The following GXYLT1 variants were observed in gnomAD, a reference collection of about 807,000 sequenced individuals.
GXYLT1 encodes the protein glycosyltransferase 8 domain containing 3.
GXYLT1 carries 29 observed loss-of-function variants against 54.0 expected under a neutral mutation model. The ratio of observed to expected loss-of-function variants is 0.54; its 90% CI spans 0.40 to 0.73. GXYLT1 has a LOEUF of 0.73. GXYLT1 is among the 30% of genes least tolerant of loss of function. GXYLT1 has a pLI of 0.00. For synonymous variants in GXYLT1, 176 were observed against 204.1 expected, an observed-to-expected ratio of 0.86 and a Z score of 1.17; for missense variants, 490 against 553.4, an observed-to-expected ratio of 0.89 and a Z score of 1.15.
chr12:42,138,237 A>AGTCTGGGTGACAGAGACTGC (rs1310378761), intron 1 of GXYLT1, among the ~76,000 whole-genome samples: 2 of 152,274 alleles, frequency 1.3e-5, no homozygotes, highest in East Asian at 1.9e-4. Context: ...ACTGCGCTCC[A>AGTCTGGGTGACAGAGACTGC]GTCTGGGTGA....
At chr12:42,099,040 G>A (rs111663981) in intron 5 of GXYLT1, among the ~76,000 whole-genome samples, 2 of 152,086 alleles carry the variant, frequency 1.3e-5, no homozygotes, top group African/African-American at 4.8e-5. Context: ...CACCATCCCA[G>A]AGAGAGGCAA....
chr12:42,132,938 G>C lies in GXYLT1; in HGVS notation c.222-3087C>G, dbSNP rs188157870. The stretch of plus-strand genomic sequence containing the variant: ...CTACACTTCTGCTAGTACCAAACTA[G>C]GTGCCAAGTATGGTGGATTAAGGAT... On this transcript the variant is annotated intron_variant, in intron 1 of 7. Transcript: ENST00000398675. Among the ~76,000 whole-genome samples, 877 of 152,148 alleles carry C rather than the reference G, an allele frequency of 5.8e-3. 7 individuals are homozygous for C. The highest frequency in any genetic ancestry group is 9.3e-3 in the Non-Finnish European group (631 of 68,000).
At chr12:42,143,626 G>C (rs1266787370) in intron 1 of GXYLT1, among the ~76,000 whole-genome samples, 1 of 152,202 alleles carries the variant, frequency 6.6e-6, no homozygotes, top group African/African-American at 2.4e-5. Flanking sequence ...AAGTGTCCAT[G>C]TTGCAAGGCA....
chr12:42,132,762 T>C (rs1336893654), intron 1 of GXYLT1, among the ~76,000 whole-genome samples: 1 of 152,050 alleles, frequency 6.6e-6, no homozygotes, highest in Non-Finnish European at 1.5e-5. Context: ...TAAACTGTAT[T>C]TGGGGGCAAT....
At chr12:42,121,780 C>A (rs1220352265) in intron 2 of GXYLT1, among the ~76,000 whole-genome samples, 1 of 152,012 alleles carries the variant, frequency 6.6e-6, no homozygotes, top group African/African-American at 2.4e-5. Context: ...CTGTCAACTA[C>A]ATCACATTTC....
At chr12:42,093,446 A>C (rs951237685) in intron 7 of GXYLT1, among the ~76,000 whole-genome samples, 1 of 152,188 alleles carries the variant, frequency 6.6e-6, no homozygotes, top group African/African-American at 2.4e-5. Context: ...GTTGATACTT[A>C]TAGAAAAATA....
chr12:42,118,872 T>C (rs1387225375), intron 3 of GXYLT1, 128 bp downstream of exon 3: 15 of 712,564 alleles, frequency 2.1e-5, no homozygotes, highest in Non-Finnish European at 3.0e-5. Context: ...ATTAAACTTT[T>C]CTTTATAAAT....
chr12:42,106,490 G>T (rs2065421936), intron 4 of GXYLT1, among the ~76,000 whole-genome samples: 1 of 152,000 alleles, frequency 6.6e-6, no homozygotes, highest in Non-Finnish European at 1.5e-5. Flanking sequence ...TGTAACACTG[G>T]CATCTTTACA....
chr12:42,114,976 A>T (rs978444665), intron 3 of GXYLT1, among the ~76,000 whole-genome samples: 18 of 152,252 alleles, frequency 1.2e-4, no homozygotes, highest in Non-Finnish European at 4.4e-5. Context: ...CTGGTTCAAC[A>T]TATGGAAATC....
intron 5 of GXYLT1, among the ~76,000 whole-genome samples, chr12:42,102,684 T>C (rs1365541851): frequency 6.6e-6 from 1 of 152,160 alleles, no homozygotes; most frequent in Non-Finnish European, 1.5e-5. Flanking sequence ...TTATACTCTT[T>C]GGTTTTTCTC....
At chr12:42,138,216 G>A (rs546594877) in intron 1 of GXYLT1, among the ~76,000 whole-genome samples, 92 of 152,316 alleles carry the variant, frequency 6.0e-4, no homozygotes, top group African/African-American at 2.1e-3. Flanking sequence ...GTAGTGAGCC[G>A]AGAGAGTGCC....
chr12:42,128,546 T>C (rs956206311), intron 2 of GXYLT1, among the ~76,000 whole-genome samples: 2 of 152,162 alleles, frequency 1.3e-5, no homozygotes, highest in Admixed American at 6.6e-5. Context: ...TAGCAACAAC[T>C]TGTCACACTC....
chr12:42,133,328 G>A (rs1383866253), intron 1 of GXYLT1, among the ~76,000 whole-genome samples: 1 of 152,116 alleles, frequency 6.6e-6, no homozygotes, highest in Non-Finnish European at 1.5e-5. Flanking sequence ...CCCTTATCCA[G>A]AATCTAAGTG....
chr12:42,095,626 G>C (rs996147517), intron 7 of GXYLT1, among the ~76,000 whole-genome samples: 1 of 152,172 alleles, frequency 6.6e-6, no homozygotes, highest in Non-Finnish European at 1.5e-5. Context: ...GATAGAGGTA[G>C]GGGGCAGTTA....
rs376475516 is a variant in GXYLT1 at position 42,139,203 on chromosome 12, T to TA, written c.221+5222dup. On this transcript the variant is annotated intron_variant, in intron 1 of 7. Coordinates refer to ENST00000398675, the MANE Select transcript of GXYLT1 (RefSeq NM_173601.2). ...ACAGAGTGAAACCTTGTCTCAGAAATAAAAAAAAAAAGATTTCTAAATCAA... is the reference window on the plus strand; with the variant it reads ...ACAGAGTGAAACCTTGTCTCAGAAATAAAAAAAAAAAAGATTTCTAAATCAA... Among the ~76,000 whole-genome samples the TA allele has an allele frequency of 9.2e-3, 1,311 of 143,184 alleles. 13 individuals carry two copies. Among genetic ancestry groups the TA allele is most frequent in the African/African-American group, 0.031 (1,202 of 39,310 alleles). The allele number at this position is 143,184 out of a possible 152,430, so 93.9% of individuals were successfully genotyped here.
chr12:42,109,918 G>C (rs1266377991), intron 3 of GXYLT1, among the ~76,000 whole-genome samples: 1 of 152,196 alleles, frequency 6.6e-6, no homozygotes, highest in African/African-American at 2.4e-5. Flanking sequence ...GAAGCATAAT[G>C]AAAGTTATCA....
intron 4 of GXYLT1, among the ~76,000 whole-genome samples, chr12:42,108,379 C>T (rs2065432966): frequency 6.6e-6 from 1 of 152,170 alleles, no homozygotes; most frequent in Non-Finnish European, 1.5e-5. Context: ...CCACATCAGA[C>T]AACAAGCTCT....
Position 42,129,822 on chromosome 12 carries a change from T to C in GXYLT1, c.251A>G (p.Asn84Ser), listed in dbSNP as rs1022395269. 2.5e-5 allele frequency: 41 copies of C among 1,613,394 alleles called. No homozygotes were observed. Among genetic ancestry groups the C allele is most frequent in the Non-Finnish European group, 3.1e-5 (37 of 1,179,580 alleles). The change falls in exon 2 of 8, where the codon AAT (asparagine) becomes AGT (serine). Residue 84 changes from asparagine to serine, a missense_variant. Coordinates refer to ENST00000398675, the MANE Select transcript of GXYLT1 (RefSeq NM_173601.2). ...RCKDFSLCYW[N>S]PYWMLPSDVC... ...ATCAGAGGGCAGCATCCAATAGGGA[T>C]TCCAGTAACACAGAGAGAAATCTTT...
intron 2 of GXYLT1, among the ~76,000 whole-genome samples, chr12:42,119,936 T>C (rs1472691034): frequency 6.6e-6 from 1 of 152,184 alleles, no homozygotes; most frequent in East Asian, 1.9e-4. Context: ...CCTTTCAAAC[T>C]ACAGAACACA....
Sources: allele counts gnomAD v4.1 joint callset (sites outside exome capture counted in the v4.1 genomes callset), GRCh38; gene constraint gnomAD v4.1.1; transcripts MANE v1.5; gene names NCBI Gene and HGNC (gene_info 2026-07-23, HGNC 2026-07-21).